Variants in CSMD1 observed in about 807,000 individuals in gnomAD.
CSMD1 encodes CUB and Sushi multiple domains 1, also known as CUB and sushi domain-containing protein 1.
In CSMD1, 213 loss-of-function variants were observed where a neutral mutation model predicts 417.5. That is an observed-to-expected ratio of 0.51 (90% CI 0.46 to 0.57). CSMD1 has a LOEUF of 0.57. CSMD1 is among the 20% of genes least tolerant of loss of function. The pLI, the probability that CSMD1 is intolerant of heterozygous loss-of-function variation, is 0.00. For synonymous variants in CSMD1, 2,862 were observed against 1,736.8 expected (o/e 1.65, Z -16.11); for missense variants, 6,923 against 4,529.7 (o/e 1.53, Z -15.17).
chr8:3,793,181 C>T (rs1439602920), intron 5 of CSMD1, among the ~76,000 whole-genome samples: 1 of 152,060 alleles, frequency 6.6e-6, no homozygotes, highest in Admixed American at 6.6e-5. Flanking sequence ...TGGATTTTGG[C>T]ATTTTTCTGT....
Position 3,663,834 on chromosome 8 carries a change from G to A in CSMD1, c.1009+44580C>T, listed in dbSNP as rs557849968. 1.9e-4 allele frequency among the ~76,000 whole-genome samples: 29 copies of A among 152,168 alleles called. 1 individual carries two copies. The South Asian group carries it at 5.8e-3, about 31-fold the overall frequency. On this transcript the variant is annotated intron_variant, in intron 7 of 69. Coordinates refer to ENST00000635120, the MANE Select transcript of CSMD1 (RefSeq NM_033225.6). ...AAGCCAAACTATACTCTGACCACCGGGGGCACGTGTTATCAGGATCTTCTG... is the reference window on the plus strand; with the variant it reads ...AAGCCAAACTATACTCTGACCACCGAGGGCACGTGTTATCAGGATCTTCTG...
chr8:3,763,243 C>T (rs1420440674), intron 5 of CSMD1, among the ~76,000 whole-genome samples: 2 of 152,118 alleles, frequency 1.3e-5, no homozygotes, highest in African/African-American at 4.8e-5. Flanking sequence ...ATGATGCCAG[C>T]TAGGGTGCTT....
chr8:3,347,785 T>C (rs264310), intron 22 of CSMD1, among the ~76,000 whole-genome samples: 149,484 of 152,316 alleles, frequency 0.98, 73,425 homozygotes, highest in East Asian at 1. Context: ...GAGGTTTATC[T>C]ACAAAGTTAT....
intron 22 of CSMD1, among the ~76,000 whole-genome samples, chr8:3,344,277 C>A (rs1807845566): frequency 6.6e-6 from 1 of 152,040 alleles, no homozygotes; most frequent in Non-Finnish European, 1.5e-5. Flanking sequence ...GCACTTTCTG[C>A]CAATGCCATG....
At chr8:4,849,245 T>G (rs906003187) in intron 1 of CSMD1, among the ~76,000 whole-genome samples, 2 of 152,172 alleles carry the variant, frequency 1.3e-5, no homozygotes, top group African/African-American at 4.8e-5. Flanking sequence ...GAAAATATTA[T>G]TGTACACCTG....
At chr8:4,429,519 AAG>A (rs1797752307) in intron 2 of CSMD1, among the ~76,000 whole-genome samples, 1 of 152,180 alleles carries the variant, frequency 6.6e-6, no homozygotes, top group African/African-American at 2.4e-5. Flanking sequence ...TGTAGAATTC[AAG>A]TTGGATCAGA....
chr8:4,072,701 G>A (rs1799621919), intron 3 of CSMD1, among the ~76,000 whole-genome samples: 2 of 152,142 alleles, frequency 1.3e-5, no homozygotes, highest in South Asian at 2.1e-4. Context: ...TCAACTCTGT[G>A]AATTGGGAAT....
chr8:4,647,311 G>C (rs749743768), intron 1 of CSMD1, among the ~76,000 whole-genome samples: 8 of 151,542 alleles, frequency 5.3e-5, no homozygotes, highest in African/African-American at 1.2e-4. Flanking sequence ...TTGTTACATA[G>C]GTATACATGT....
intron 8 of CSMD1, among the ~76,000 whole-genome samples, chr8:3,598,820 C>T (rs149016310): frequency 3.2e-4 from 48 of 152,228 alleles, no homozygotes; most frequent in Middle Eastern, 6.8e-3. Flanking sequence ...CAGTGACTCA[C>T]GCCTGAAATC....
At chr8:3,309,019 C>T (rs144309203) in intron 23 of CSMD1, among the ~76,000 whole-genome samples, 4 of 152,222 alleles carry the variant, frequency 2.6e-5, no homozygotes, top group African/African-American at 4.8e-5. Context: ...CCACTGCGCC[C>T]GGCCCCTCAA....
chr8:3,745,704 A>C (rs2129051635), intron 6 of CSMD1, among the ~76,000 whole-genome samples: 1 of 152,274 alleles, frequency 6.6e-6, no homozygotes, highest in African/African-American at 2.4e-5. Flanking sequence ...AAGGACGTTA[A>C]CCTCCTCAGA....
chr8:4,322,514 G>A (rs1281009946), intron 3 of CSMD1, among the ~76,000 whole-genome samples: 1 of 152,094 alleles, frequency 6.6e-6, no homozygotes, highest in East Asian at 1.9e-4. Flanking sequence ...GTTCAGGGAA[G>A]GCTGTATAAA....
intron 30 of CSMD1, among the ~76,000 whole-genome samples, chr8:3,210,623 A>AAT (rs1272559210): frequency 2.7e-5 from 4 of 148,454 alleles, no homozygotes; most frequent in East Asian, 1.9e-4. Context: ...TATAGACAGG[A>AAT]ATATATATAT....
intron 7 of CSMD1, among the ~76,000 whole-genome samples, chr8:3,679,063 T>G (rs1000333342): frequency 6.6e-6 from 1 of 152,118 alleles, no homozygotes; most frequent in Admixed American, 6.6e-5. Flanking sequence ...CAACTGGTAC[T>G]AGCCACTGCA....
chr8:4,525,839 T>A (rs1164663981), intron 2 of CSMD1, among the ~76,000 whole-genome samples: 1 of 152,144 alleles, frequency 6.6e-6, no homozygotes, highest in Non-Finnish European at 1.5e-5. Flanking sequence ...GAGGCCCTCT[T>A]GACATGTGTC....
intron 3 of CSMD1, among the ~76,000 whole-genome samples, chr8:4,042,632 A>T: frequency 6.6e-6 from 1 of 151,902 alleles, no homozygotes; most frequent in South Asian, 2.1e-4. Context: ...TATAAAATAT[A>T]TTTTATTTTA....
intron 37 of CSMD1, 30 bp from the exon 38 acceptor site, chr8:3,162,307 T>C (rs1018397576): frequency 7.4e-6 from 10 of 1,352,386 alleles, no homozygotes; most frequent in African/African-American, 1.4e-5. Flanking sequence ...TGCTAGAAAT[T>C]ATATGATGTA....
chr8:4,385,181 G>A (rs866000548), intron 3 of CSMD1, among the ~76,000 whole-genome samples: 37 of 152,196 alleles, frequency 2.4e-4, no homozygotes, highest in African/African-American at 8.7e-4. Flanking sequence ...CCCCGTCTCG[G>A]CGTCTTAAAG....
At chr8:4,100,665 G>T (rs931722977) in intron 3 of CSMD1, among the ~76,000 whole-genome samples, 38 of 152,030 alleles carry the variant, frequency 2.5e-4, no homozygotes, top group African/African-American at 8.2e-4. Context: ...TGGAAAAAGG[G>T]TGCTGAAATT....
Sources: gnomAD v4.1 joint callset for allele counts (sites outside exome capture counted in the v4.1 genomes callset) on GRCh38, gnomAD v4.1.1 for gene constraint, MANE v1.5 for transcripts, NCBI Gene and HGNC (gene_info 2026-07-23, HGNC 2026-07-21) for gene names.